The following WIF1 variants were observed in gnomAD, a reference collection of about 807,000 sequenced individuals.
The protein encoded by WIF1 is Wnt inhibitory factor 1.
A neutral mutation model predicts 53.5 loss-of-function variants in WIF1; 35 were observed. That is an observed-to-expected ratio of 0.65 (90% CI 0.50 to 0.87). The LOEUF is 0.87. Ranked by LOEUF, WIF1 falls within the 40% of genes least tolerant of loss-of-function variation. WIF1 has a pLI of 0.00. For synonymous variants in WIF1, 171 were observed against 170.4 expected (o/e 1.00, Z -0.03); for missense variants, 467 against 476.8 (o/e 0.98, Z 0.19).
At chr12:65,079,095 G>T (rs1250059379) in intron 2 of WIF1, among the ~76,000 whole-genome samples, 2 of 149,964 alleles carry the variant, frequency 1.3e-5, no homozygotes, top group Non-Finnish European at 3.0e-5. Context: ...AACCCAGGAG[G>T]TGGAGGCTGC....
At position 65,077,733 on chromosome 12, in the gene WIF1, A is replaced by G. The variant is rs921780626; in HGVS notation, c.397+13T>C. ...TTTAAGTGTAAACCTTTCTTCAGGC[A>G]AAGACCACCCACCTGATGCCTTGTG... On this transcript the variant is annotated intron_variant, in intron 3 of 9. Coordinates refer to ENST00000286574, the MANE Select transcript of WIF1 (RefSeq NM_007191.5). 6.3e-7 allele frequency: 1 copy of G among 1,597,022 alleles called. No individual in the cohort carries two copies. Among genetic ancestry groups the G allele is most frequent in the African/African-American group, 1.3e-5 (1 of 74,504 alleles).
chr12:65,117,851 C>T (rs567124271), intron 2 of WIF1, among the ~76,000 whole-genome samples: 3 of 152,226 alleles, frequency 2.0e-5, no homozygotes, highest in African/African-American at 4.8e-5. Flanking sequence ...TGACAGGAGG[C>T]GGAGCTTAGT....
At chr12:65,083,717 C>T in intron 2 of WIF1, 1 of 330,290 alleles carries the variant, frequency 3.0e-6, no homozygotes, top group Non-Finnish European at 5.7e-6. Flanking sequence ...CCAAAATCAG[C>T]TTCCCCCACT....
intron 7 of WIF1, among the ~76,000 whole-genome samples, chr12:65,061,327 T>C (rs1882608437): frequency 6.6e-6 from 1 of 152,204 alleles, no homozygotes; most frequent in African/African-American, 2.4e-5. Context: ...TACACTACTG[T>C]ATAACACTGT....
chr12:65,100,142 A>C (rs1376424311), intron 2 of WIF1, among the ~76,000 whole-genome samples: 1 of 152,218 alleles, frequency 6.6e-6, no homozygotes, highest in South Asian at 2.1e-4. Context: ...TATGTTCAAA[A>C]GGAATTATTT....
chr12:65,056,267 CTTT>C, intron 7 of WIF1, 141 bp from the exon 8 acceptor site: 2 of 486,786 alleles, frequency 4.1e-6, no homozygotes, highest in East Asian at 4.1e-5. Context: ...TCTACTCTGG[CTTT>C]TTTTTTTTGA....
intron 7 of WIF1, among the ~76,000 whole-genome samples, chr12:65,058,817 A>G (rs1334161654): frequency 6.6e-6 from 1 of 152,164 alleles, no homozygotes; most frequent in African/African-American, 2.4e-5. Flanking sequence ...TGGAAGGCTG[A>G]GGCAAACAGA....
chr12:65,066,611 A>G (rs766974565), intron 6 of WIF1, 30 bp downstream of exon 6: 1 of 1,566,880 alleles, frequency 6.4e-7, no homozygotes, highest in Non-Finnish European at 8.7e-7. Context: ...AAAAGTAAAA[A>G]TAACTTTCTT....
At chr12:65,069,217 G>T (rs535429223) in intron 3 of WIF1, among the ~76,000 whole-genome samples, 4 of 152,296 alleles carry the variant, frequency 2.6e-5, no homozygotes, top group South Asian at 4.1e-4. Flanking sequence ...ATGGAAAGAA[G>T]AATCATAAAG....
chr12:65,067,642 C>T lies in WIF1; in HGVS notation c.634+53G>A, dbSNP rs1032865904. 112 of 1,533,848 alleles carry T rather than the reference C, an allele frequency of 7.3e-5. 1 individual carries two copies. In the South Asian group the frequency reaches 8.0e-4, roughly 11 times the overall value. The stretch of plus-strand genomic sequence containing the variant: ...ACACAATACACATGGGGCTCCTGCA[C>T]GACATCCATGTTCATTAGGAAGGGA... On this transcript the variant is annotated intron_variant, in intron 5 of 9. Transcript: ENST00000286574.
chr12:65,118,617 G>A (rs1883548284), intron 2 of WIF1, among the ~76,000 whole-genome samples: 1 of 152,086 alleles, frequency 6.6e-6, no homozygotes, highest in South Asian at 2.1e-4. Flanking sequence ...ACTTAAGCAG[G>A]AGAAAAAAAT....
chr12:65,119,329 A>AT (rs913096149), intron 2 of WIF1, among the ~76,000 whole-genome samples: 3 of 152,046 alleles, frequency 2.0e-5, no homozygotes, highest in African/African-American at 4.8e-5. Flanking sequence ...CAAAACCTCA[A>AT]TTTTTTTTAA....
At chr12:65,105,305 C>T (rs1271603007) in intron 2 of WIF1, among the ~76,000 whole-genome samples, 1 of 152,078 alleles carries the variant, frequency 6.6e-6, no homozygotes, top group Non-Finnish European at 1.5e-5. Context: ...AGGCCTGGCC[C>T]TAAGGACCAG....
intron 3 of WIF1, among the ~76,000 whole-genome samples, chr12:65,077,472 CT>C (rs999557390): frequency 1.2e-4 from 19 of 152,022 alleles, no homozygotes; most frequent in Non-Finnish European, 2.1e-4. Flanking sequence ...TTTCTTTCTC[CT>C]TTTTTTTCTT....
Position 65,113,116 on chromosome 12 carries a change from G to A in WIF1, c.288+7301C>T, listed in dbSNP as rs545854241. 2.0e-5 allele frequency among the ~76,000 whole-genome samples: 3 copies of A among 152,278 alleles called. No homozygotes were observed. The East Asian group carries it at 5.8e-4, about 29-fold the overall frequency. ...CTTGAGTCGGAGAGAAAGGCTGCAC[G>A]GGAGAACAACTTGCCATCCACCAAG... On this transcript the variant is annotated intron_variant, in intron 2 of 9. Transcript: ENST00000286574.
At chr12:65,060,978 G>T (rs1179062517) in intron 7 of WIF1, among the ~76,000 whole-genome samples, 1 of 152,048 alleles carries the variant, frequency 6.6e-6, no homozygotes. Context: ...AACATGAAAG[G>T]GCATATTTAC....
chr12:65,120,252 T>C (rs1453601746), intron 2 of WIF1, among the ~76,000 whole-genome samples, 165 bp downstream of exon 2: 1 of 152,252 alleles, frequency 6.6e-6, no homozygotes, highest in Non-Finnish European at 1.5e-5. Context: ...TTAATTGATA[T>C]GGCAACTTGA....
At chr12:65,065,861 AG>A (rs1203376356) in intron 6 of WIF1, among the ~76,000 whole-genome samples, 1 of 152,184 alleles carries the variant, frequency 6.6e-6, no homozygotes, top group Admixed American at 6.5e-5. Flanking sequence ...CAGCAATTTT[AG>A]GGCCAAGTTT....
chr12:65,120,555 T>C lies in WIF1; in HGVS notation c.150A>G (p.Gly50=). 1 of 1,603,864 alleles carries C rather than the reference T, an allele frequency of 6.2e-7. No homozygotes were observed. ...IDAHQARVLI[G]FEEDILIVSE... is the part of the protein sequence containing the mutation. ...AAACAATCAGGATATCTTCTTCAAA[T>C]CCTGGTTTTTAAAATAATAAAACGA... The change falls in exon 2 of 10, where the codon GGA becomes GGG. Residue 50 remains glycine, a splice_region_variant and synonymous_variant. Transcript: ENST00000286574.
Sources: gnomAD v4.1 joint callset for allele counts (sites outside exome capture counted in the v4.1 genomes callset) on GRCh38, gnomAD v4.1.1 for gene constraint, MANE v1.5 for transcripts, NCBI Gene and HGNC (gene_info 2026-07-23, HGNC 2026-07-21) for gene names.